The following PDE4D variants were observed in gnomAD, a reference collection of about 807,000 sequenced individuals.
The protein encoded by PDE4D is 3',5'-cyclic-AMP phosphodiesterase 4D.
Under a neutral mutation model 87.4 loss-of-function variants are expected in PDE4D, and 24 were observed. The observed-to-expected ratio is 0.27, with a 90% CI of 0.20 to 0.39. The LOEUF (loss-of-function observed/expected upper bound fraction) is 0.39, where lower values mean the gene tolerates loss of function less well. PDE4D is among the 10% of genes least tolerant of loss of function. PDE4D has a pLI of 1.00. For synonymous variants in PDE4D, 384 were observed against 383.2 expected (o/e 1.00, Z -0.02); for missense variants, 714 against 1,041.0 (o/e 0.69, Z 4.32).
intron 1 of PDE4D, among the ~76,000 whole-genome samples, chr5:59,363,915 G>C (rs1269057834): frequency 3.3e-5 from 5 of 152,118 alleles, no homozygotes; most frequent in Admixed American, 2.6e-4. Context: ...GAGGAAAAGT[G>C]ATCCTGTCAA....
intron 1 of PDE4D, among the ~76,000 whole-genome samples, chr5:59,634,816 A>C (rs533750945): frequency 6.6e-6 from 1 of 152,338 alleles, no homozygotes; most frequent in East Asian, 1.9e-4. Context: ...CTAACATCAC[A>C]ATTAAAAGAA....
chr5:59,255,587 G>T (rs1386076654), intron 1 of PDE4D, among the ~76,000 whole-genome samples: 2 of 152,058 alleles, frequency 1.3e-5, no homozygotes, highest in Non-Finnish European at 2.9e-5. Flanking sequence ...GAAGAGTAGG[G>T]TATGTGAGTT....
At chr5:60,321,960 T>C (rs1756318076) in intron 1 of PDE4D, among the ~76,000 whole-genome samples, 1 of 152,038 alleles carries the variant, frequency 6.6e-6, no homozygotes, top group African/African-American at 2.4e-5. Flanking sequence ...CTTGTGAGAA[T>C]GTAATTTAGT....
chr5:60,043,208 T>A (rs1440881337), intron 2 of PDE4D, among the ~76,000 whole-genome samples: 5 of 151,104 alleles, frequency 3.3e-5, no homozygotes, highest in Non-Finnish European at 5.9e-5. Flanking sequence ...AGATTGAAGA[T>A]CAATTTAATG....
At chr5:59,616,877 T>A (rs1394415124) in intron 1 of PDE4D, among the ~76,000 whole-genome samples, 1 of 133,390 alleles carries the variant, frequency 7.5e-6, no homozygotes, top group Non-Finnish European at 1.6e-5. Flanking sequence ...ACTAAGATAG[T>A]GAAGGGTTTA....
intron 2 of PDE4D, among the ~76,000 whole-genome samples, chr5:60,046,500 G>T (rs1769270922): frequency 1.3e-5 from 2 of 151,966 alleles, no homozygotes. Flanking sequence ...ATTGGCTGTG[G>T]GTTTGTCATA....
intron 3 of PDE4D, among the ~76,000 whole-genome samples, chr5:59,924,218 C>G (rs1754996451): frequency 6.6e-6 from 1 of 152,070 alleles, no homozygotes; most frequent in South Asian, 2.1e-4. Context: ...AAATGAAACA[C>G]AAGCTCAAGA....
chr5:60,460,245 T>G, intron 1 of PDE4D: 1 of 1,205,936 alleles, frequency 8.3e-7, no homozygotes, highest in Non-Finnish European at 1.2e-6. Context: ...CAGTGGACTT[T>G]GAAGATGGAT....
chr5:59,635,729 A>C (rs189815883), intron 1 of PDE4D, among the ~76,000 whole-genome samples: 12 of 152,224 alleles, frequency 7.9e-5, no homozygotes, highest in African/African-American at 2.9e-4. Flanking sequence ...TTGATGTAAC[A>C]TGTCTTGAAA....
intron 1 of PDE4D, among the ~76,000 whole-genome samples, chr5:59,605,449 T>A (rs925735056): frequency 6.6e-6 from 1 of 152,088 alleles, no homozygotes; most frequent in Non-Finnish European, 1.5e-5. Flanking sequence ...AAGTCTCTCT[T>A]TCTTCTTTTA....
At chr5:60,175,372 T>C (rs1470867020) in intron 2 of PDE4D, among the ~76,000 whole-genome samples, 2 of 152,188 alleles carry the variant, frequency 1.3e-5, no homozygotes, top group African/African-American at 4.8e-5. Flanking sequence ...TAATCATAGT[T>C]ACTTTAAATT....
At chr5:60,124,293 C>T (rs1778939821) in intron 2 of PDE4D, among the ~76,000 whole-genome samples, 1 of 152,058 alleles carries the variant, frequency 6.6e-6, no homozygotes, top group Non-Finnish European at 1.5e-5. Flanking sequence ...TCAGAACTTC[C>T]TCAGATTATT....
intron 1 of PDE4D, among the ~76,000 whole-genome samples, chr5:59,742,655 T>C (rs928934159): frequency 6.6e-6 from 1 of 152,206 alleles, no homozygotes; most frequent in Non-Finnish European, 1.5e-5. Flanking sequence ...TGTGCAGTAA[T>C]CAGGCATTCT....
intron 1 of PDE4D, among the ~76,000 whole-genome samples, chr5:60,228,249 AT>A (rs1745362643): frequency 6.6e-6 from 1 of 152,080 alleles, no homozygotes; most frequent in Non-Finnish European, 1.5e-5. Flanking sequence ...TTATTTGATT[AT>A]ATCTGCCTCT....
intron 1 of PDE4D, among the ~76,000 whole-genome samples, chr5:60,278,728 T>C (rs1007685070): frequency 6.6e-6 from 1 of 152,172 alleles, no homozygotes; most frequent in Non-Finnish European, 1.5e-5. Flanking sequence ...AAACTCCACG[T>C]GGCTCATCTT....
chr5:59,653,518 C>T (rs746578525), intron 1 of PDE4D, among the ~76,000 whole-genome samples: 1 of 152,090 alleles, frequency 6.6e-6, no homozygotes, highest in Non-Finnish European at 1.5e-5. Flanking sequence ...GATGTTTATA[C>T]GTAGAAGTGG....
chr5:60,491,402 GTTGTTGTTC>G (rs1432369366), upstream of PDE4D: 1 of 152,018 alleles, frequency 6.6e-6, no homozygotes, highest in Non-Finnish European at 1.5e-5. Flanking sequence ...TTTTGTTGTT[GTTGTTGTTC>G]TTGTTGTTAT....
chr5:59,282,146 C>T (rs945037547), intron 1 of PDE4D, among the ~76,000 whole-genome samples: 1 of 152,014 alleles, frequency 6.6e-6, no homozygotes. Context: ...GTTCTTATTT[C>T]AAATTTATAG....
At chr5:60,473,117 G>GAGAGAA (rs1363095924) in intron 1 of PDE4D, among the ~76,000 whole-genome samples, 1 of 81,020 alleles carries the variant, frequency 1.2e-5, no homozygotes, top group Non-Finnish European at 2.3e-5. Flanking sequence ...AAGAGAGAGA[G>GAGAGAA]AGAAAGAAAG....
Sources: gnomAD v4.1 joint callset for allele counts (sites outside exome capture counted in the v4.1 genomes callset) on GRCh38, gnomAD v4.1.1 for gene constraint, MANE v1.5 for transcripts, NCBI Gene and HGNC (gene_info 2026-07-23, HGNC 2026-07-21) for gene names.